Variants in MANBA observed in about 807,000 individuals in gnomAD.
MANBA encodes the protein mannosidase beta, also known as beta-mannosidase.
In MANBA, 83 loss-of-function variants were observed where a neutral mutation model predicts 111.1. The observed-to-expected ratio is 0.75, with a 90% CI of 0.63 to 0.90. The LOEUF (loss-of-function observed/expected upper bound fraction) is 0.90, where lower values mean the gene tolerates loss of function less well. Ranked by LOEUF, MANBA falls within the 40% of genes least tolerant of loss-of-function variation. The pLI is 0.00. For missense variants in MANBA, 1,036 were observed against 1,069.0 expected (o/e 0.97, Z 0.43); for synonymous variants, 370 against 378.7 (o/e 0.98, Z 0.27).
intron 1 of MANBA, chr4:102,729,468 C>A: frequency 3.1e-6 from 4 of 1,272,102 alleles, no homozygotes; most frequent in East Asian, 2.3e-5. Flanking sequence ...TCTGGGACTG[C>A]AGCTCCTGGA....
intron 12 of MANBA, among the ~76,000 whole-genome samples, chr4:102,655,140 G>GT (rs1470973177): frequency 2.0e-5 from 3 of 152,040 alleles, no homozygotes; most frequent in Non-Finnish European, 4.4e-5. Flanking sequence ...CCAAAGAAGC[G>GT]TAAGACTGGT....
intron 13 of MANBA, among the ~76,000 whole-genome samples, chr4:102,645,729 C>T (rs545487869): frequency 1.3e-5 from 2 of 152,194 alleles, no homozygotes; most frequent in African/African-American, 4.8e-5. Flanking sequence ...AATATTTCCT[C>T]TTTCATTCCT....
chr4:102,646,059 T>C (rs1730087837), intron 13 of MANBA, among the ~76,000 whole-genome samples: 1 of 152,122 alleles, frequency 6.6e-6, no homozygotes, highest in Non-Finnish European at 1.5e-5. Context: ...CTCTGTTTCC[T>C]CATGTATGAA....
At chr4:102,641,478 T>A (rs1479833738) in intron 13 of MANBA, among the ~76,000 whole-genome samples, 1 of 151,926 alleles carries the variant, frequency 6.6e-6, no homozygotes, top group Non-Finnish European at 1.5e-5. Flanking sequence ...GGGGCTAGAG[T>A]GGATTTAGGT....
At chr4:102,660,219 T>G (rs114273169) in intron 11 of MANBA, among the ~76,000 whole-genome samples, 2,449 of 152,226 alleles carry the variant, frequency 0.016, 65 homozygotes, top group African/African-American at 0.054. Flanking sequence ...AATTTCTCCC[T>G]CTCTTACCTC....
intron 4 of MANBA, among the ~76,000 whole-genome samples, chr4:102,717,596 GT>G: frequency 6.6e-6 from 1 of 152,158 alleles, no homozygotes; most frequent in Non-Finnish European, 1.5e-5. Context: ...GTTTTGTCAT[GT>G]TGTCCAAGCT....
rs1355816658 is a variant in MANBA at position 102,700,936 on chromosome 4, T to C, written c.674-10165A>G. Among the ~76,000 whole-genome samples, 15 of 152,124 alleles carry C rather than the reference T, an allele frequency of 9.9e-5. No homozygotes were observed. The East Asian group carries it at 2.5e-3, about 25-fold the overall frequency. ...CCTTGTTAACTTTCTGTCTCGTTGA[T>C]CTGTCTAATGTTGACAGTGGGGTGT... On this transcript the variant is annotated intron_variant, in intron 5 of 16. Transcript: ENST00000647097.
At chr4:102,682,180 C>T (rs1732015735) in intron 7 of MANBA, among the ~76,000 whole-genome samples, 1 of 147,674 alleles carries the variant, frequency 6.8e-6, no homozygotes, top group African/African-American at 2.5e-5. Context: ...TCCAAATTAA[C>T]TTTCATGTAG....
chr4:102,737,767 C>T (rs548729815), intron 1 of MANBA, among the ~76,000 whole-genome samples: 194 of 152,280 alleles, frequency 1.3e-3, no homozygotes, highest in Non-Finnish European at 2.1e-3. Context: ...CAGGCATGAG[C>T]GACTGCGCCC....
intron 1 of MANBA, chr4:102,752,025 G>A: frequency 1.3e-6 from 1 of 745,738 alleles, no homozygotes; most frequent in Non-Finnish European, 2.5e-6. Context: ...GTGGCTCCTG[G>A]GATAAGATGC....
intron 12 of MANBA, among the ~76,000 whole-genome samples, chr4:102,657,185 C>G (rs1730591939): frequency 8.1e-6 from 1 of 122,916 alleles, no homozygotes; most frequent in African/African-American, 3.3e-5. Context: ...ATAAAACACA[C>G]CAACATGATG....
chr4:102,734,871 T>A (rs545835990), intron 1 of MANBA, among the ~76,000 whole-genome samples: 1 of 152,110 alleles, frequency 6.6e-6, no homozygotes, highest in Admixed American at 6.5e-5. Context: ...TATTAGGAGG[T>A]TTGTTTAGAA....
chr4:102,689,363 T>C, intron 7 of MANBA, among the ~76,000 whole-genome samples: 1 of 87,028 alleles, frequency 1.1e-5, no homozygotes, highest in East Asian at 5.0e-4. Flanking sequence ...AAAAAAAATA[T>C]ATATATATAT....
At chr4:102,727,308 G>A (rs1722848079) in intron 1 of MANBA, 9 of 622,754 alleles carry the variant, frequency 1.4e-5, no homozygotes, top group Middle Eastern at 2.7e-4. Flanking sequence ...CTGGGCTTCC[G>A]TGCTCTCATT....
chr4:102,634,959 G>A lies in MANBA; in HGVS notation c.2244C>T (p.Cys748=), dbSNP rs1729554501. 3 of 1,614,204 alleles carry A rather than the reference G, an allele frequency of 1.9e-6. No homozygotes were observed. Among genetic ancestry groups the A allele is most frequent in the Non-Finnish European group, 2.5e-6 (3 of 1,180,038 alleles). Residue 748 remains cysteine, a synonymous_variant, in exon 16 of 17, where the codon TGC becomes TGT. Coordinates refer to ENST00000647097, the MANE Select transcript of MANBA (RefSeq NM_005908.4). ...ATTCAGACACTGGCTCCTCATAAAG[G>A]CAGACAGCCTCTCCTCCTTTCATCA... ...RFVMKGGEAV[C]LYEEPVSELL...
chr4:102,735,580 G>A (rs1193410203), intron 1 of MANBA, among the ~76,000 whole-genome samples: 3 of 149,254 alleles, frequency 2.0e-5, no homozygotes, highest in Admixed American at 2.0e-4. Flanking sequence ...CTATTCCAAA[G>A]GCCAATCAAC....
chr4:102,759,351 G>A (rs1444190895), intron 1 of MANBA, among the ~76,000 whole-genome samples: 1 of 151,892 alleles, frequency 6.6e-6, no homozygotes, highest in Non-Finnish European at 1.5e-5. Context: ...AGTAAAATCA[G>A]GCAAGGAGGA....
rs74594408 is a variant in MANBA, at chr4:102,655,903, T to C, written c.1704+1779A>G. Among the ~76,000 whole-genome samples the C allele has an allele frequency of 4.4e-3, 672 of 152,332 alleles. 4 individuals are homozygous for C. The highest frequency in any genetic ancestry group is 0.015 in the African/African-American group (625 of 41,564). ...AAATCATATACCTGATAAAATCTTA[T>C]AGCCAGAATATATTTTTTTAATTTT... On this transcript the variant is annotated intron_variant, in intron 12 of 16. Transcript: ENST00000647097.
At chr4:102,725,276 T>A (rs932804646) in intron 2 of MANBA, among the ~76,000 whole-genome samples, 10 of 152,276 alleles carry the variant, frequency 6.6e-5, no homozygotes, top group African/African-American at 1.4e-4. Context: ...GTATTTTTTT[T>A]AAAACTAGGT....
Sources: allele counts gnomAD v4.1 joint callset (sites outside exome capture counted in the v4.1 genomes callset), GRCh38; gene constraint gnomAD v4.1.1; transcripts MANE v1.5; gene names NCBI Gene and HGNC (gene_info 2026-07-23, HGNC 2026-07-21).